Variants in LRRC4C observed in about 807,000 individuals in gnomAD.
LRRC4C encodes leucine rich repeat containing 4C.
Under a neutral mutation model 33.6 loss-of-function variants are expected in LRRC4C, and 5 were observed. That is an observed-to-expected ratio of 0.15 (90% CI 0.08 to 0.31). The LOEUF is 0.31. Ranked by LOEUF, LRRC4C falls within the 10% of genes least tolerant of loss-of-function variation. The pLI, the probability that LRRC4C is intolerant of heterozygous loss-of-function variation, is 1.00. For synonymous variants in LRRC4C, 329 were observed against 302.0 expected, an observed-to-expected ratio of 1.09 and a Z score of -0.93; for missense variants, 560 against 796.7, an observed-to-expected ratio of 0.70 and a Z score of 3.58.
At chr11:41,313,927 T>C (rs928785100) in intron 1 of LRRC4C, among the ~76,000 whole-genome samples, 1 of 152,190 alleles carries the variant, frequency 6.6e-6, no homozygotes. Flanking sequence ...CATTCATCTA[T>C]TCAAATAAAA....
At chr11:40,221,873 C>G (rs1054374977) in intron 5 of LRRC4C, among the ~76,000 whole-genome samples, 2 of 152,024 alleles carry the variant, frequency 1.3e-5, no homozygotes, top group African/African-American at 4.8e-5. Context: ...GAGTTGTGAG[C>G]CCTTAAAAGG....
intron 4 of LRRC4C, among the ~76,000 whole-genome samples, chr11:40,297,164 G>C (rs970139650): frequency 6.6e-6 from 1 of 152,104 alleles, no homozygotes; most frequent in Non-Finnish European, 1.5e-5. Context: ...ATAAAAAAGT[G>C]AATGTGTCTA....
intron 4 of LRRC4C, among the ~76,000 whole-genome samples, chr11:40,252,941 C>A (rs375372575): frequency 2.6e-5 from 4 of 152,088 alleles, no homozygotes. Flanking sequence ...AAGTCTCTCC[C>A]CATTACAAAA....
intron 2 of LRRC4C, among the ~76,000 whole-genome samples, chr11:40,807,087 T>C (rs1487659636): frequency 6.6e-6 from 1 of 152,148 alleles, no homozygotes; most frequent in African/African-American, 2.4e-5. Flanking sequence ...AAACTGGATA[T>C]GGTTGTTTTC....
intron 3 of LRRC4C, among the ~76,000 whole-genome samples, chr11:40,364,320 T>C (rs1948108984): frequency 6.6e-6 from 1 of 152,142 alleles, no homozygotes; most frequent in Non-Finnish European, 1.5e-5. Context: ...AAACCACTAT[T>C]ATAAATATAC....
intron 3 of LRRC4C, among the ~76,000 whole-genome samples, chr11:40,639,158 T>C (rs1475870756): frequency 7.1e-6 from 1 of 141,238 alleles, no homozygotes; most frequent in African/African-American, 2.9e-5. Context: ...TTTGTTAAGG[T>C]TGTTGAAAAA....
intron 3 of LRRC4C, among the ~76,000 whole-genome samples, chr11:40,517,561 C>G (rs184670669): frequency 2.6e-5 from 4 of 152,050 alleles, no homozygotes; most frequent in Non-Finnish European, 5.9e-5. Context: ...CCAATCAGAC[C>G]ACACTGACAG....
intron 1 of LRRC4C, among the ~76,000 whole-genome samples, chr11:41,442,212 A>C (rs1423078964): frequency 6.6e-6 from 1 of 151,990 alleles, no homozygotes; most frequent in African/African-American, 2.4e-5. Flanking sequence ...CCTTAGGATA[A>C]ATTTCTAGAA....
intron 2 of LRRC4C, among the ~76,000 whole-genome samples, chr11:40,913,974 T>C (rs1419860100): frequency 6.6e-6 from 1 of 152,102 alleles, no homozygotes; most frequent in African/African-American, 2.4e-5. Flanking sequence ...CCTCGACATA[T>C]ACACCCTCCC....
intron 3 of LRRC4C, among the ~76,000 whole-genome samples, chr11:40,633,245 C>A (rs1963618019): frequency 6.6e-6 from 1 of 152,092 alleles, no homozygotes; most frequent in African/African-American, 2.4e-5. Flanking sequence ...CTCACAGACA[C>A]ACACATGCAC....
intron 3 of LRRC4C, among the ~76,000 whole-genome samples, chr11:40,641,073 A>G (rs912148633): frequency 4.6e-5 from 7 of 151,726 alleles, no homozygotes; most frequent in African/African-American, 1.7e-4. Context: ...GTGCATCTCC[A>G]AGCCCACATA....
intron 5 of LRRC4C, among the ~76,000 whole-genome samples, chr11:40,194,691 G>A (rs925619652): frequency 6.6e-6 from 1 of 152,108 alleles, no homozygotes; most frequent in East Asian, 1.9e-4. Context: ...GATGGGTGCA[G>A]CAAACCACCA....
intron 3 of LRRC4C, among the ~76,000 whole-genome samples, chr11:40,321,561 A>G (rs946219755): frequency 1.3e-5 from 2 of 152,226 alleles, no homozygotes; most frequent in Non-Finnish European, 2.9e-5. Context: ...TAACCCAGAA[A>G]GAGATAAATG....
intron 2 of LRRC4C, among the ~76,000 whole-genome samples, chr11:40,795,804 G>A (rs1212519899): frequency 6.6e-6 from 1 of 152,174 alleles, no homozygotes; most frequent in African/African-American, 2.4e-5. Context: ...GAAAGACCAA[G>A]TTCTGTAATG....
intron 4 of LRRC4C, among the ~76,000 whole-genome samples, chr11:40,285,833 A>G (rs956336230): frequency 3.3e-5 from 5 of 152,174 alleles, no homozygotes; most frequent in Non-Finnish European, 5.9e-5. Context: ...AACAAGTTTG[A>G]CTTTACTGAT....
chr11:40,906,625 A>AT (rs1479786996), intron 2 of LRRC4C, among the ~76,000 whole-genome samples: 1 of 152,006 alleles, frequency 6.6e-6, no homozygotes, highest in Non-Finnish European at 1.5e-5. Context: ...GACTTGCTTT[A>AT]TTTTGATATT....
At chr11:40,668,905 A>C (rs1377775737) in intron 2 of LRRC4C, among the ~76,000 whole-genome samples, 1 of 152,188 alleles carries the variant, frequency 6.6e-6, no homozygotes. Flanking sequence ...GAAGGCTAAC[A>C]GGAGTAGACA....
intron 1 of LRRC4C, among the ~76,000 whole-genome samples, chr11:41,417,842 T>C (rs966196405): frequency 1.3e-5 from 2 of 151,886 alleles, no homozygotes; most frequent in African/African-American, 2.4e-5. Context: ...CTTTAATCCC[T>C]ATTTTTTTCT....
At chr11:41,118,762 T>C (rs1322849504) in intron 1 of LRRC4C, among the ~76,000 whole-genome samples, 1 of 152,180 alleles carries the variant, frequency 6.6e-6, no homozygotes, top group Non-Finnish European at 1.5e-5. Context: ...TTCATTGTGA[T>C]GCCATTGACC....
Sources: allele counts gnomAD v4.1 joint callset (sites outside exome capture counted in the v4.1 genomes callset), GRCh38; gene constraint gnomAD v4.1.1; transcripts MANE v1.5; gene names NCBI Gene and HGNC (gene_info 2026-07-23, HGNC 2026-07-21).